Variants in FGG observed in about 807,000 individuals in gnomAD.
The protein encoded by FGG is fibrinogen gamma chain, also known as fibrinogen, gamma polypeptide.
Under a neutral mutation model 51.7 loss-of-function variants are expected in FGG, and 20 were observed. The observed-to-expected ratio is 0.39, with a 90% CI of 0.27 to 0.56. FGG has a LOEUF of 0.56. Ranked by LOEUF, FGG falls within the 20% of genes least tolerant of loss-of-function variation. FGG has a pLI of 0.64. For synonymous variants in FGG, 184 were observed against 184.7 expected (o/e 1.00, Z 0.03); for missense variants, 460 against 534.2 (o/e 0.86, Z 1.37).
At chr4:154,607,613 A>G (rs778912720) in intron 7 of FGG, among the ~76,000 whole-genome samples, 1 of 152,130 alleles carries the variant, frequency 6.6e-6, no homozygotes, top group Non-Finnish European at 1.5e-5. Flanking sequence ...CAACACTTCT[A>G]TAGAGTGGGG....
Position 154,610,034 on chromosome 4 carries a change from G to T in FGG, c.532+33C>A, listed in dbSNP as rs1025943164. 3 of 1,612,686 alleles carry T rather than the reference G, an allele frequency of 1.9e-6. 1 individual carries two copies. The South Asian group carries it at 3.3e-5, about 18-fold the overall frequency. On this transcript the variant is annotated intron_variant, in intron 5 of 8. Coordinates refer to ENST00000336098, the MANE Select transcript of FGG (RefSeq NM_021870.3). ...TCTCCTTTACATTACTTACTTTGAT[G>T]AACCTAATCCCAATATAACCTTCAT... is the stretch of plus-strand genomic sequence containing the variant.
rs760375738 is a variant in FGG at position 154,612,632 on chromosome 4, C to T, written c.-23G>A. 3.4e-5 allele frequency: 54 copies of T among 1,611,100 alleles called. No individual in the cohort carries two copies. Among genetic ancestry groups the T allele is most frequent in the Non-Finnish European group, 4.5e-5 (53 of 1,177,710 alleles). Reference sequence around the variant, plus strand: ...CATGATGTCTGAGTGCCCGGAGCTCCGAGCCTTGTAGTGTCAGCACTGTCA... The same window carrying T: ...CATGATGTCTGAGTGCCCGGAGCTCTGAGCCTTGTAGTGTCAGCACTGTCA... On this transcript the variant is annotated 5_prime_UTR_variant, in exon 1 of 9. Transcript: ENST00000336098.
Position 154,609,773 on chromosome 4 carries a change from G to A in FGG, c.533-10C>T. ...GCAATGTCTTGACAATCTAGAGAAG[G>A]AGAATCGACTTTTACTGTGGTTTGA... On this transcript the variant is annotated splice_polypyrimidine_tract_variant and intron_variant, in intron 5 of 8. Coordinates refer to ENST00000336098, the MANE Select transcript of FGG (RefSeq NM_021870.3). The A allele has an allele frequency of 6.2e-7, 1 of 1,613,984 alleles. No individual in the cohort carries two copies. The highest frequency in any genetic ancestry group is 2.2e-5 in the East Asian group (1 of 44,868).
At chr4:154,609,917 T>A (rs1371097078) in intron 5 of FGG, 150 bp downstream of exon 5, 2 of 1,505,216 alleles carry the variant, frequency 1.3e-6, no homozygotes, top group Non-Finnish European at 1.8e-6. Context: ...CTGTTTTTTT[T>A]AGCTATTCAA....
At chr4:154,612,255 T>C (rs760318210) in intron 2 of FGG, 54 bp from the exon 3 acceptor site, 82 of 1,595,374 alleles carry the variant, frequency 5.1e-5, no homozygotes, top group Non-Finnish European at 6.9e-5. Flanking sequence ...TTAAAATCTA[T>C]TAAGAAAAAT....
At chr4:154,611,724 A>G in intron 4 of FGG, 81 bp downstream of exon 4, 1 of 934,392 alleles carries the variant, frequency 1.1e-6, no homozygotes, top group Non-Finnish European at 1.6e-6. Flanking sequence ...AAACACATTA[A>G]AAATTACTTT....
At chr4:154,609,391 ACTGCCTAGGTTCAAATG>A (rs1731159575) in intron 6 of FGG, among the ~76,000 whole-genome samples, 1 of 152,146 alleles carries the variant, frequency 6.6e-6, no homozygotes, top group South Asian at 2.1e-4. Flanking sequence ...CTGAAACTAT[ACTGCCTAGGTTCAAATG>A]CTGACTCTGT....
rs1022869961 is a variant in FGG at position 154,610,317 on chromosome 4, A to G, written c.402-120T>C. On this transcript the variant is annotated intron_variant, in intron 4 of 8. Coordinates refer to ENST00000336098, the MANE Select transcript of FGG (RefSeq NM_021870.3). ...GTATTTTCTTAAGAAGTGCTTTCTGATAAATTATTCCATTCTTGAGGAAAA... is the reference window on the plus strand; with the variant it reads ...GTATTTTCTTAAGAAGTGCTTTCTGGTAAATTATTCCATTCTTGAGGAAAA... 5 of 722,020 alleles carry G rather than the reference A, an allele frequency of 6.9e-6. No homozygotes were observed. In the Admixed American group the frequency reaches 1.1e-4, roughly 16 times the overall value. The allele number at this position is 722,020 out of a possible 1,614,324, so 44.7% of individuals were successfully genotyped here. A position where few individuals can be genotyped will look rare whatever the true frequency, so the allele number is the denominator to read the frequency against.
At position 154,609,667 on chromosome 4, in the gene FGG, A is replaced by C. The variant is rs188272310; in HGVS notation, c.629T>G (p.Ile210Ser). 37 of 1,613,842 alleles carry C rather than the reference A, an allele frequency of 2.3e-5. No homozygotes were observed. Among genetic ancestry groups the C allele is most frequent in the Non-Finnish European group, 3.0e-5 (35 of 1,179,906 alleles). ...ANQQFLVYCE[I>S]DGSGNGWTVF... ...AGTCCATCCATTTCCAGACCCATCG[A>C]TTTCACAGTAGACTAAGAATTGCTG... The change falls in exon 6 of 9, where the codon ATC becomes AGC. Residue 210 changes from isoleucine (I) to serine (S), a missense_variant. Around this residue, in one of 3 missense-constraint regions of FGG, gnomAD observed 353 missense variants for 391.7 expected, o/e 0.90. Coordinates refer to ENST00000336098, the MANE Select transcript of FGG (RefSeq NM_021870.3).
chr4:154,612,477 T>C, intron 1 of FGG, 42 bp from the exon 2 acceptor site: 1 of 1,613,732 alleles, frequency 6.2e-7, no homozygotes, highest in Non-Finnish European at 8.5e-7. Flanking sequence ...GTTTATTATC[T>C]GTTTTATTTT....
In FGG at chr4:154,605,037, T is replaced by G; in HGVS notation, c.1159A>C (p.Asn387His). The change falls in exon 9 of 9, where the codon AAT becomes CAT. Residue 387 changes from asparagine (N) to histidine (H), a missense_variant. Asn to His is a moderately conservative substitution (Grantham distance 68). This residue lies in a region of FGG where 92 missense variants were observed against 93.7 expected (regional missense o/e 0.98). Transcript: ENST00000336098. The part of the protein sequence containing the change: ...GGTYSKASTP[N>H]GYDNGIIWAT... ...CAAATAATGCCATTATCATAACCAT[T>G]AGGAGTAGATGCTTTTGAGTAAGTG... 6.2e-7 allele frequency: 1 copy of G among 1,614,016 alleles called. No homozygotes were observed.
chr4:154,606,669 A>C, intron 8 of FGG, 36 bp downstream of exon 8: 1 of 1,602,682 alleles, frequency 6.2e-7, no homozygotes, highest in Non-Finnish European at 8.5e-7. Context: ...AGTATACACT[A>C]TACATTAACT....
intron 6 of FGG, among the ~76,000 whole-genome samples, chr4:154,608,997 T>C (rs1198965015): frequency 2.0e-5 from 3 of 152,192 alleles, no homozygotes; most frequent in Non-Finnish European, 4.4e-5. Context: ...AACCCATTGC[T>C]CAATCGGTGT....
At chr4:154,610,586 C>T (rs564350248) in intron 4 of FGG, among the ~76,000 whole-genome samples, 259 of 152,176 alleles carry the variant, frequency 1.7e-3, no homozygotes, top group Admixed American at 3.3e-3. Context: ...GCAAGAGTGG[C>T]GGGACTGGTT....
At position 154,604,632 on chromosome 4, in the gene FGG, A is replaced by G. The variant is rs552370042; in HGVS notation, c.*202T>C. On this transcript the variant is annotated 3_prime_UTR_variant, in exon 9 of 9. Transcript: ENST00000336098. Reference sequence around the variant, plus strand: ...TATTTAGGAACAAAGTTGAAATGTTATCTCCTCAAATAAACAATTTTTAAA... The same window carrying G: ...TATTTAGGAACAAAGTTGAAATGTTGTCTCCTCAAATAAACAATTTTTAAA... 10 of 1,325,532 alleles carry G rather than the reference A, an allele frequency of 7.5e-6. No homozygotes were observed. The highest frequency in any genetic ancestry group is 8.9e-6 in the Non-Finnish European group (9 of 1,015,272). The allele number at this position is 1,325,532 out of a possible 1,614,324, so 82.1% of individuals were successfully genotyped here.
chr4:154,604,837 C>T lies in FGG; in HGVS notation c.1359G>A (p.Leu453=). 3.1e-6 allele frequency: 5 copies of T among 1,613,936 alleles called. No individual in the cohort carries two copies. Among genetic ancestry groups the T allele is most frequent in the Non-Finnish European group, 4.2e-6 (5 of 1,179,918 alleles). The change falls in exon 9 of 9, where the codon TTG becomes TTA. Residue 453 remains leucine (L), a synonymous_variant. Transcript: ENST00000336098. ...EYDSLYPEDD[L] The stretch of plus-strand genomic sequence containing the variant: ...ATAGAAGTTAGCAGTTAATTTTCTA[C>T]AAATCATCCTCAGGGTAAAGTGAGT...
At chr4:154,609,144 G>A (rs1039647940) in intron 6 of FGG, among the ~76,000 whole-genome samples, 5 of 152,094 alleles carry the variant, frequency 3.3e-5, no homozygotes, top group African/African-American at 1.2e-4. Context: ...ATGCAACACA[G>A]GTTCCTTGTC....
rs142916149 is a variant in FGG, at chr4:154,608,872, T to C, written c.667-222A>G. On this transcript the variant is annotated intron_variant, in intron 6 of 8. Coordinates refer to ENST00000336098, the MANE Select transcript of FGG (RefSeq NM_021870.3). ...ATCATGAGAGAGAATATAAGAGAAA[T>C]ACTTAAGAGGGTTTCTGGCACATCA... Among the ~76,000 whole-genome samples the C allele has an allele frequency of 5.1e-4, 78 of 152,186 alleles. No homozygotes were observed. The East Asian group carries it at 0.013, about 25-fold the overall frequency.
chr4:154,607,077 T>C (rs1163577720), intron 7 of FGG, 95 bp from the exon 8 acceptor site: 1 of 1,461,044 alleles, frequency 6.8e-7, no homozygotes, highest in Admixed American at 2.4e-5. Context: ...AATTTTTGAC[T>C]TTGTTTCTTA....
Sources: allele counts gnomAD v4.1 joint callset (sites outside exome capture counted in the v4.1 genomes callset), GRCh38; gene constraint gnomAD v4.1.1; regional missense constraint gnomAD v4.1.1; transcripts MANE v1.5; gene names NCBI Gene and HGNC (gene_info 2026-07-23, HGNC 2026-07-21).